TLCD3B: variants seen among roughly 807,000 people sequenced by gnomAD.
The protein encoded by TLCD3B is ceramide synthase.
TLCD3B carries 9 observed loss-of-function variants against 23.0 expected under a neutral mutation model. The ratio of observed to expected loss-of-function variants is 0.39; its 90% CI spans 0.24 to 0.68. The LOEUF is 0.68. Ranked by LOEUF, TLCD3B falls within the 30% of genes least tolerant of loss-of-function variation. The pLI, the probability that TLCD3B is intolerant of heterozygous loss-of-function variation, is 0.44. For missense variants in TLCD3B, 307 were observed against 371.8 expected (o/e 0.83, Z 1.43); for synonymous variants, 161 against 161.0 (o/e 1.00, Z 0.00).
At position 30,024,440 on chromosome 16, in the gene TLCD3B, G is replaced by T. The variant is rs373208722; in HGVS notation, c.*743C>A. 8.9e-6 allele frequency: 6 copies of T among 673,630 alleles called. No individual in the cohort carries two copies. The highest frequency in any genetic ancestry group is 7.2e-5 in the African/African-American group (4 of 55,372). The allele number at this position is 673,630 out of a possible 1,614,324, so 41.7% of individuals were successfully genotyped here. ...CAAGGGCCTTGGTGGCGTTCACGCA[G>T]ATCGTCTTTTATTAGCGGTCTGTAA... On this transcript the variant is annotated 3_prime_UTR_variant, in exon 5 of 5. Transcript: ENST00000380495.
In TLCD3B at chr16:30,025,022, C is replaced by G. The variant is rs1293083516; in HGVS notation, c.*161G>C. ...GGGAAGAGGTCCCCTCTCTCCACCC[C>G]CTCAGTCCCCGAGAGATGGGGCCTC... On this transcript the variant is annotated 3_prime_UTR_variant, in exon 5 of 5. Coordinates refer to ENST00000380495, the MANE Select transcript of TLCD3B (RefSeq NM_031478.6). The surrounding 1 kb of genome is among the most constrained non-coding windows in gnomAD (Gnocchi z 4.1). 5.4e-5 allele frequency: 30 copies of G among 557,510 alleles called. No homozygotes were observed. The highest frequency in any genetic ancestry group is 8.3e-5 in the Non-Finnish European group (27 of 324,952). 34.5% of individuals were successfully genotyped at this position (557,510 alleles called of 1,614,324 possible).
Position 30,029,296 on chromosome 16 carries a change from C to A in TLCD3B, c.209+136G>T, listed in dbSNP as rs2071278991. On this transcript the variant is annotated intron_variant, in intron 2 of 4. Transcript: ENST00000380495. The surrounding 1 kb of genome is among the most constrained non-coding windows in gnomAD (Gnocchi z 4.6). ...CCTGGGTGTTGAGTTGCGGTTATTG[C>A]AGTTAACTTGCTCAGGCCCAAGTTA... The A allele has an allele frequency of 1.3e-5, 9 of 708,018 alleles. No homozygotes were observed. The South Asian group carries it at 1.3e-4, about 10-fold the overall frequency. The allele number at this position is 708,018 out of a possible 1,614,324, so 43.9% of individuals were successfully genotyped here. A position where few individuals can be genotyped will look rare whatever the true frequency, so the allele number is the denominator to read the frequency against.
intron 1 of TLCD3B, 24 bp downstream of exon 1, chr16:30,030,379 C>T (rs1269676563): frequency 6.5e-7 from 1 of 1,542,012 alleles, no homozygotes; most frequent in Non-Finnish European, 8.7e-7. Flanking sequence ...CAGACAGGGG[C>T]TGAGGGGAAA....
intron 2 of TLCD3B, among the ~76,000 whole-genome samples, chr16:30,041,310 C>G (rs2071576774): frequency 1.3e-5 from 2 of 152,002 alleles, no homozygotes; most frequent in East Asian, 1.9e-4. Context: ...GAGTCCCACT[C>G]TGTTGTCCAG....
At chr16:30,039,103 CTTTTTTTTTT>C (rs1018184417) in intron 3 of TLCD3B, among the ~76,000 whole-genome samples, 39 of 99,636 alleles carry the variant, frequency 3.9e-4, no homozygotes, top group Admixed American at 1.1e-3. Context: ...TCCTTCCTCT[CTTTTTTTTTT>C]TTTTTTTTTT....
intron 3 of TLCD3B, among the ~76,000 whole-genome samples, chr16:30,040,147 A>AATATATATATAT (rs1192651776): frequency 2.1e-5 from 2 of 95,896 alleles, no homozygotes; most frequent in Non-Finnish European, 2.0e-5. Flanking sequence ...AAAAAAAAAA[A>AATATATATATAT]ATATATATAT....
upstream of TLCD3B, chr16:30,035,397 T>C: frequency 7.8e-7 from 1 of 1,289,640 alleles, no homozygotes; most frequent in Middle Eastern, 2.1e-4. Flanking sequence ...TGCAGGTTGG[T>C]GTGGTTCTGC....
chr16:30,034,602 C>A (rs944584729), upstream of TLCD3B, among the ~76,000 whole-genome samples: 2 of 151,896 alleles, frequency 1.3e-5, no homozygotes, highest in African/African-American at 4.8e-5. Flanking sequence ...AATCATAACT[C>A]CGAAAATATT....
chr16:30,039,588 C>G (rs556279348), intron 3 of TLCD3B, among the ~76,000 whole-genome samples: 2 of 152,074 alleles, frequency 1.3e-5, no homozygotes, highest in African/African-American at 4.8e-5. Context: ...GCACACAACA[C>G]TCAGCTAATT....
intron 3 of TLCD3B, among the ~76,000 whole-genome samples, chr16:30,040,691 T>G (rs553857017): frequency 1.3e-5 from 2 of 152,120 alleles, no homozygotes; most frequent in African/African-American, 2.4e-5. Context: ...AGTCTCACTC[T>G]GTCACCCAGG....
intron 3 of TLCD3B, among the ~76,000 whole-genome samples, chr16:30,040,064 G>T (rs953326564): frequency 6.7e-6 from 1 of 149,616 alleles, no homozygotes; most frequent in East Asian, 2.0e-4. Context: ...AACCCAGGAG[G>T]CGGAGGTTGC....
At chr16:30,026,552 A>T in intron 3 of TLCD3B, 57 bp downstream of exon 3, 1 of 1,468,286 alleles carries the variant, frequency 6.8e-7, no homozygotes, top group South Asian at 1.2e-5. Flanking sequence ...TGCCAGCACC[A>T]GCAGGACCAA....
intron 1 of TLCD3B, among the ~76,000 whole-genome samples, chr16:30,047,497 T>C (rs1166891099): frequency 6.6e-6 from 1 of 152,122 alleles, no homozygotes; most frequent in Non-Finnish European, 1.5e-5. Context: ...AATTTTTGTA[T>C]TTTTAGTAGA....
upstream of TLCD3B, chr16:30,052,991 G>A (rs898323960): frequency 6.6e-6 from 1 of 152,300 alleles, no homozygotes; most frequent in Non-Finnish European, 1.5e-5. Context: ...AAAGCCCCGA[G>A]GGCCGCGGCG....
At chr16:30,036,108 G>GC, upstream of TLCD3B, 1 of 1,242,098 alleles carries the variant, frequency 8.1e-7, no homozygotes, top group Non-Finnish European at 1.0e-6. Flanking sequence ...TGCATGCCCC[G>GC]CCCGCCGCCC....
rs763267263 is a variant in TLCD3B, at chr16:30,024,486, G to A, written c.*697C>T. On this transcript the variant is annotated 3_prime_UTR_variant, in exon 5 of 5. Transcript: ENST00000380495. ...TGTAAAGCACCTCCCAGGGTCCCCC[G>A]ACCCCAGATTGGAGGAAGCCTTGAG... 3.6e-5 allele frequency: 20 copies of A among 554,628 alleles called. No individual in the cohort carries two copies. Among genetic ancestry groups the A allele is most frequent in the African/African-American group, 5.6e-5 (3 of 53,116 alleles). The allele number at this position is 554,628 out of a possible 1,614,324, so 34.4% of individuals were successfully genotyped here.
At chr16:30,034,060 C>G (rs971548582), upstream of TLCD3B, among the ~76,000 whole-genome samples, 6 of 150,500 alleles carry the variant, frequency 4.0e-5, no homozygotes, top group Non-Finnish European at 8.9e-5. Flanking sequence ...ATCACTTGAG[C>G]CCAGGAGTTC....
rs548563800 is a variant in TLCD3B at position 30,024,784 on chromosome 16, G to A, written c.*399C>T. On this transcript the variant is annotated 3_prime_UTR_variant, in exon 5 of 5. Transcript: ENST00000380495. ...AGGGCCAGCGGGGGTTAGTTGGGGC[G>A]TCCTCTCCTCTCGGGTGATGGGGAG... 2.9e-5 allele frequency: 6 copies of A among 206,222 alleles called. No homozygotes were observed. In the South Asian group the frequency reaches 9.2e-4, roughly 32 times the overall value. The allele number at this position is 206,222 out of a possible 1,614,324, so 12.8% of individuals were successfully genotyped here. A position where few individuals can be genotyped will look rare whatever the true frequency, so the allele number is the denominator to read the frequency against.
At position 30,024,910 on chromosome 16, in the gene TLCD3B, C is replaced by CTTCCTGTG; in HGVS notation, c.*272_*273insCACAGGAA. The CTTCCTGTG allele has an allele frequency of 2.4e-6, 1 of 410,752 alleles. No individual in the cohort carries two copies. The highest frequency in any genetic ancestry group is 4.2e-5 in the Admixed American group (1 of 23,942). 25.4% of individuals were successfully genotyped at this position (410,752 alleles called of 1,614,324 possible). A position where few individuals can be genotyped will look rare whatever the true frequency, so the allele number is the denominator to read the frequency against. On this transcript the variant is annotated 3_prime_UTR_variant, in exon 5 of 5. Transcript: ENST00000380495. ...TTGAAACCCTGTTGGTGTCCCTCCCCACAAGCCCTCCTGCCCTCAGTGGGT... is the reference window on the plus strand; with the variant it reads ...TTGAAACCCTGTTGGTGTCCCTCCCCTTCCTGTGACAAGCCCTCCTGCCCTCAGTGGGT...
Sources: gnomAD v4.1 joint callset for allele counts (sites outside exome capture counted in the v4.1 genomes callset) on GRCh38, gnomAD v4.1.1 for gene constraint, Gnocchi (gnomAD v3.1) non-coding constraint, MANE v1.5 for transcripts, NCBI Gene and HGNC (gene_info 2026-07-23, HGNC 2026-07-21) for gene names.